Variants in SPON1 observed in about 807,000 individuals in gnomAD.
SPON1 encodes the protein spondin-1.
SPON1 carries 52 observed loss-of-function variants against 111.7 expected under a neutral mutation model. The observed-to-expected ratio is 0.47, with a 90% CI of 0.37 to 0.59. The LOEUF is 0.59. Ranked by LOEUF, SPON1 falls within the 20% of genes least tolerant of loss-of-function variation. SPON1 has a pLI of 0.00. For missense variants in SPON1, 957 were observed against 1,068.5 expected (o/e 0.90, Z 1.46); for synonymous variants, 410 against 395.8 (o/e 1.04, Z -0.43).
intron 5 of SPON1, among the ~76,000 whole-genome samples, chr11:14,087,423 A>C (rs944450533): frequency 3.3e-5 from 5 of 152,194 alleles, no homozygotes; most frequent in African/African-American, 9.7e-5. Context: ...ATCCAGGAGC[A>C]GGTTGTTCAA....
At chr11:14,065,446 C>T (rs1332789755) in intron 3 of SPON1, among the ~76,000 whole-genome samples, 7 of 152,304 alleles carry the variant, frequency 4.6e-5, no homozygotes, top group East Asian at 1.9e-4. Flanking sequence ...CGCCCAGCCA[C>T]GGAGCAGCAA....
intron 6 of SPON1, among the ~76,000 whole-genome samples, chr11:14,212,115 A>G (rs1848582816): frequency 6.9e-6 from 1 of 144,000 alleles, no homozygotes; most frequent in Admixed American, 7.0e-5. Flanking sequence ...TTAGTCTTTT[A>G]TTGATTTTTT....
At chr11:14,199,625 A>C (rs1339240651) in intron 6 of SPON1, among the ~76,000 whole-genome samples, 6 of 152,172 alleles carry the variant, frequency 3.9e-5, no homozygotes, top group African/African-American at 1.4e-4. Context: ...TTAAACACAA[A>C]GCTAACAATG....
intron 5 of SPON1, among the ~76,000 whole-genome samples, chr11:14,080,439 G>A (rs558491384): frequency 2.6e-5 from 4 of 152,100 alleles, no homozygotes; most frequent in Admixed American, 2.6e-4. Flanking sequence ...ATGTTGCCTG[G>A]GCTGGTCTTG....
chr11:14,160,973 T>TTTTATA (rs1847939300), intron 6 of SPON1, among the ~76,000 whole-genome samples: 1 of 27,380 alleles, frequency 3.7e-5, no homozygotes, highest in African/African-American at 1.3e-4. Context: ...TTATATATAT[T>TTTTATA]TTTATATATT....
intron 5 of SPON1, among the ~76,000 whole-genome samples, chr11:14,121,513 GA>G (rs1554926505): frequency 6.6e-6 from 1 of 152,122 alleles, no homozygotes; most frequent in Non-Finnish European, 1.5e-5. Context: ...TGACCTTCCT[GA>G]AAAGCCTGGA....
rs1230305759 is a variant in SPON1, at chr11:14,136,811, G to GCT, written c.825+1246_825+1247dup. Reference sequence around the variant, plus strand: ...CATCCAAGATGAGCTATCTAACTATGCTCTGTTTCTCTGACTCTGGCTGCC... The same window carrying GCT: ...CATCCAAGATGAGCTATCTAACTATGCTCTCTGTTTCTCTGACTCTGGCTGCC... On this transcript the variant is annotated intron_variant, in intron 6 of 15. Transcript: ENST00000576479. Among the ~76,000 whole-genome samples the GCT allele has an allele frequency of 2.6e-5, 4 of 152,156 alleles. No homozygotes were observed. The East Asian group carries it at 7.7e-4, about 29-fold the overall frequency.
chr11:14,144,634 CAATAAT>C lies in SPON1; in HGVS notation c.825+9097_825+9102del, dbSNP rs71041573. Among the ~76,000 whole-genome samples, 42 of 142,936 alleles carry C rather than the reference CAATAAT, an allele frequency of 2.9e-4. 1 individual carries two copies. The South Asian group carries it at 3.4e-3, about 12-fold the overall frequency. The allele number at this position is 142,936 out of a possible 152,430, so 93.8% of individuals were successfully genotyped here. A position where few individuals can be genotyped will look rare whatever the true frequency, so the allele number is the denominator to read the frequency against. ...GACCGAGTGAGTGAGACTCCATCTC[CAATAAT>C]AATAATAATAATAATAATAATAATA... On this transcript the variant is annotated intron_variant, in intron 6 of 15. Coordinates refer to ENST00000576479, the MANE Select transcript of SPON1 (RefSeq NM_006108.4).
chr11:14,157,707 T>C (rs1411758848), intron 6 of SPON1, among the ~76,000 whole-genome samples: 2 of 152,100 alleles, frequency 1.3e-5, no homozygotes, highest in African/African-American at 2.4e-5. Context: ...ATGCTTCTTA[T>C]GCTTTTTTTG....
chr11:14,145,094 A>G (rs999317070), intron 6 of SPON1, among the ~76,000 whole-genome samples: 9 of 152,248 alleles, frequency 5.9e-5, no homozygotes, highest in African/African-American at 2.2e-4. Flanking sequence ...TACTCGATAC[A>G]GAAATTAAGA....
intron 6 of SPON1, among the ~76,000 whole-genome samples, chr11:14,217,439 T>A (rs550828049): frequency 6.6e-6 from 1 of 152,338 alleles, no homozygotes; most frequent in Non-Finnish European, 1.5e-5. Context: ...CATATATTTT[T>A]ACAAATATCT....
At chr11:14,037,982 A>G (rs1848606746) in intron 2 of SPON1, among the ~76,000 whole-genome samples, 1 of 151,988 alleles carries the variant, frequency 6.6e-6, no homozygotes, top group African/African-American at 2.4e-5. Flanking sequence ...CCTGGCCAAC[A>G]TGATGAAACC....
chr11:14,120,669 A>G (rs1337891385), intron 5 of SPON1, among the ~76,000 whole-genome samples: 1 of 152,052 alleles, frequency 6.6e-6, no homozygotes, highest in African/African-American at 2.4e-5. Flanking sequence ...GTCCTACCCT[A>G]ATGGACAGGT....
intron 1 of SPON1, among the ~76,000 whole-genome samples, chr11:13,970,665 T>C (rs1554908507): frequency 6.6e-6 from 1 of 152,172 alleles, no homozygotes; most frequent in Non-Finnish European, 1.5e-5. Flanking sequence ...CCAAATACAC[T>C]AAGCTCATTC....
chr11:14,029,313 A>G (rs1450757961), intron 2 of SPON1, among the ~76,000 whole-genome samples: 1 of 152,188 alleles, frequency 6.6e-6, no homozygotes, highest in Admixed American at 6.5e-5. Context: ...GGTCTTTACC[A>G]GAATTGTTGA....
At chr11:14,075,457 A>G (rs1417266447) in intron 4 of SPON1, 39 bp downstream of exon 4, 5 of 1,423,600 alleles carry the variant, frequency 3.5e-6, no homozygotes, top group East Asian at 2.5e-5. Flanking sequence ...GGGCAGAGAC[A>G]TGGAAGGCAG....
intron 5 of SPON1, among the ~76,000 whole-genome samples, chr11:14,087,870 A>G (rs1014331394): frequency 2.0e-5 from 3 of 152,184 alleles, no homozygotes; most frequent in African/African-American, 7.2e-5. Context: ...TTCTTGTTGC[A>G]TTGATCCCTT....
At chr11:14,241,203 A>G (rs565924117) in intron 6 of SPON1, among the ~76,000 whole-genome samples, 1 of 152,202 alleles carries the variant, frequency 6.6e-6, no homozygotes, top group African/African-American at 2.4e-5. Context: ...ACTGTGTTCA[A>G]CATTTACATT....
chr11:14,176,529 G>T (rs1379497162), intron 6 of SPON1, among the ~76,000 whole-genome samples: 5 of 152,070 alleles, frequency 3.3e-5, no homozygotes, highest in Non-Finnish European at 5.9e-5. Flanking sequence ...TAGGGCTACA[G>T]ACACCCCACC....
Sources: gnomAD v4.1 joint callset for allele counts (sites outside exome capture counted in the v4.1 genomes callset) on GRCh38, gnomAD v4.1.1 for gene constraint, MANE v1.5 for transcripts, NCBI Gene and HGNC (gene_info 2026-07-23, HGNC 2026-07-21) for gene names.